CACNA1E: variants seen among roughly 807,000 people sequenced by gnomAD.
The protein encoded by CACNA1E is calcium voltage-gated channel subunit alpha1 E.
Under a neutral mutation model 259.2 loss-of-function variants are expected in CACNA1E, and 40 were observed. The observed-to-expected ratio is 0.15, with a 90% confidence interval of 0.12 to 0.20. The LOEUF is 0.20. CACNA1E is among the 10% of genes least tolerant of loss of function. The probability of loss-of-function intolerance (pLI) is 1.00; values close to 1 mark genes in which losing one functional copy is unlikely to be tolerated. For missense variants in CACNA1E, 1,874 were observed against 3,040.1 expected, an observed-to-expected ratio of 0.62 and a Z score of 9.02; for synonymous variants, 1,104 against 1,138.5, an observed-to-expected ratio of 0.97 and a Z score of 0.61.
intron 3 of CACNA1E, among the ~76,000 whole-genome samples, chr1:181,576,544 A>G (rs1650996143): frequency 6.6e-6 from 1 of 152,252 alleles, no homozygotes; most frequent in African/African-American, 2.4e-5. Flanking sequence ...AAGGAAGTTC[A>G]GGTACCTTCT....
At chr1:181,543,388 A>G (rs754861744) in intron 3 of CACNA1E, among the ~76,000 whole-genome samples, 4 of 152,212 alleles carry the variant, frequency 2.6e-5, no homozygotes, top group East Asian at 1.9e-4. Flanking sequence ...TTCATCTGCT[A>G]TGGACTGAAT....
At chr1:181,675,258 G>A (rs2102225623) in intron 7 of CACNA1E, among the ~76,000 whole-genome samples, 1 of 152,248 alleles carries the variant, frequency 6.6e-6, no homozygotes, top group Middle Eastern at 3.4e-3. Flanking sequence ...AGAGGAGGAG[G>A]CACAGCTGAT....
chr1:181,634,942 A>T (rs942126144), intron 6 of CACNA1E, among the ~76,000 whole-genome samples: 1 of 152,076 alleles, frequency 6.6e-6, no homozygotes, highest in African/African-American at 2.4e-5. Flanking sequence ...TCATAAGCCG[A>T]TCATTCTTTT....
chr1:181,334,773 C>T (rs1651562303), intron 1 of CACNA1E, among the ~76,000 whole-genome samples: 1 of 152,200 alleles, frequency 6.6e-6, no homozygotes, highest in Non-Finnish European at 1.5e-5. Context: ...GTGTTCTCAA[C>T]CCAGCAGCTC....
At chr1:181,328,762 T>C (rs1223748512) in intron 1 of CACNA1E, among the ~76,000 whole-genome samples, 2 of 152,138 alleles carry the variant, frequency 1.3e-5, no homozygotes, top group East Asian at 3.9e-4. Flanking sequence ...GGAAGGTAAG[T>C]TGAGTTCAAG....
At chr1:181,729,926 C>T (rs1487173787) in intron 18 of CACNA1E, among the ~76,000 whole-genome samples, 6 of 152,232 alleles carry the variant, frequency 3.9e-5, no homozygotes, top group Non-Finnish European at 7.3e-5. Flanking sequence ...TCTACCCATG[C>T]TTCTTGGCTC....
intron 2 of CACNA1E, among the ~76,000 whole-genome samples, chr1:181,427,954 G>A (rs1032622756): frequency 3.3e-5 from 5 of 152,134 alleles, no homozygotes; most frequent in Non-Finnish European, 7.4e-5. Flanking sequence ...CTTTCACGCT[G>A]CAGAGTATTC....
Position 181,576,793 on chromosome 1 carries a change from A to G in CACNA1E, c.513-973A>G, listed in dbSNP as rs148707002. ...TTTTATTAATATTAGTAAGCTTTGC[A>G]TTAGCCACAATGTCTGTGTGTACAT... On this transcript the variant is annotated intron_variant, in intron 3 of 47. Coordinates refer to ENST00000367573, the MANE Select transcript of CACNA1E (RefSeq NM_001205293.3). Among the ~76,000 whole-genome samples, 1,263 of 152,372 alleles carry G rather than the reference A, an allele frequency of 8.3e-3. 20 individuals carry two copies. Among genetic ancestry groups the G allele is most frequent in the African/African-American group, 0.028 (1,179 of 41,588 alleles).
At chr1:181,751,652 C>A (rs954579609) in intron 26 of CACNA1E, among the ~76,000 whole-genome samples, 3 of 152,332 alleles carry the variant, frequency 2.0e-5, no homozygotes, top group African/African-American at 7.2e-5. Context: ...GACTTGCTCT[C>A]AACTGTGGGT....
chr1:181,748,129 A>T, intron 25 of CACNA1E, among the ~76,000 whole-genome samples: 1 of 151,404 alleles, frequency 6.6e-6, no homozygotes, highest in East Asian at 1.9e-4. Context: ...GACTAATTTT[A>T]TTTTTTTTTA....
chr1:181,634,501 T>C (rs1444341258), intron 6 of CACNA1E, among the ~76,000 whole-genome samples: 2 of 152,202 alleles, frequency 1.3e-5, no homozygotes, highest in Non-Finnish European at 2.9e-5. Context: ...GAAACAAACA[T>C]AGCAACAGCA....
intron 18 of CACNA1E, among the ~76,000 whole-genome samples, chr1:181,727,314 G>A (rs1371382468): frequency 2.0e-5 from 3 of 152,224 alleles, no homozygotes; most frequent in Admixed American, 6.5e-5. Context: ...AGAAAGAACA[G>A]GAGGTATAGT....
chr1:181,785,506 C>T lies in CACNA1E; in HGVS notation c.5679+88C>T, dbSNP rs949225711. ...CTGTGCCTCCCTGGGGCATAGTGCCCGGCAAGGACTTAGAAGCAGCAGTAA... is the reference window on the plus strand; with the variant it reads ...CTGTGCCTCCCTGGGGCATAGTGCCTGGCAAGGACTTAGAAGCAGCAGTAA... On this transcript the variant is annotated intron_variant, in intron 42 of 47. Transcript: ENST00000367573. 2.9e-5 allele frequency: 29 copies of T among 998,230 alleles called. No homozygotes were observed. In the East Asian group the frequency reaches 4.3e-4, roughly 15 times the overall value. 61.8% of individuals were successfully genotyped at this position (998,230 alleles called of 1,614,324 possible).
intron 3 of CACNA1E, among the ~76,000 whole-genome samples, chr1:181,529,205 G>A (rs908117400): frequency 6.6e-6 from 1 of 152,224 alleles, no homozygotes; most frequent in Non-Finnish European, 1.5e-5. Context: ...GCTTCAGAGG[G>A]TGGAAGCCCC....
intron 1 of CACNA1E, among the ~76,000 whole-genome samples, chr1:181,367,829 T>C (rs1654393219): frequency 6.6e-6 from 1 of 152,192 alleles, no homozygotes; most frequent in Admixed American, 6.5e-5. Flanking sequence ...TATGCCAATT[T>C]ATTTATAATT....
At position 181,798,543 on chromosome 1, in the gene CACNA1E, G is replaced by A; in HGVS notation, c.6651G>A (p.Gln2217=). Residue 2217 remains glutamine, a synonymous_variant, in exon 48 of 48, where the codon CAG becomes CAA. Coordinates refer to ENST00000367573, the MANE Select transcript of CACNA1E (RefSeq NM_001205293.3). This position sits in a 1 kb window ranked among gnomAD's most constrained non-coding sequence, Gnocchi z 4.2. The stretch of plus-strand genomic sequence containing the variant: ...AGTCTTCCAACTCTCCGCACCCCCA[G>A]CAGAGCCAACATGCCTCCCCACAGC... The part of the protein sequence containing the change: ...LTESSNSPHP[Q]QSQHASPQRY... 2 of 1,613,774 alleles carry A rather than the reference G, an allele frequency of 1.2e-6. No individual in the cohort carries two copies. The highest frequency in any genetic ancestry group is 1.7e-6 in the Non-Finnish European group (2 of 1,179,882).
At chr1:181,584,949 C>A (rs1287404216) in intron 6 of CACNA1E, among the ~76,000 whole-genome samples, 1 of 152,162 alleles carries the variant, frequency 6.6e-6, no homozygotes, top group African/African-American at 2.4e-5. Flanking sequence ...ATTGTAGATA[C>A]TGTAAGTGTT....
intron 12 of CACNA1E, 41 bp downstream of exon 12, chr1:181,718,208 G>T: frequency 1.0e-6 from 1 of 998,646 alleles, no homozygotes; most frequent in Non-Finnish European, 1.6e-6. Context: ...GCTTCGTGTT[G>T]ATATGCCCTG....
At chr1:181,781,635 C>A (rs1468848885) in intron 39 of CACNA1E, 112 bp downstream of exon 39, 13 of 694,754 alleles carry the variant, frequency 1.9e-5, no homozygotes, top group Non-Finnish European at 3.4e-5. Context: ...GAGGAGGGAA[C>A]TAAGGAGGAA....
Sources: gnomAD v4.1 joint callset for allele counts (sites outside exome capture counted in the v4.1 genomes callset) on GRCh38, gnomAD v4.1.1 for gene constraint, Gnocchi (gnomAD v3.1) non-coding constraint, MANE v1.5 for transcripts, NCBI Gene and HGNC (gene_info 2026-07-23, HGNC 2026-07-21) for gene names.